Variants in ITGA9 observed in about 807,000 individuals in gnomAD.
ITGA9 encodes the protein integrin alpha-9.
A neutral mutation model predicts 127.8 loss-of-function variants in ITGA9; 56 were observed. The observed-to-expected ratio is 0.44, with a 90% CI of 0.35 to 0.55. The LOEUF (loss-of-function observed/expected upper bound fraction) is 0.55. Among genes scored for constraint, ITGA9 ranks in the 20% least tolerant of loss-of-function variants. ITGA9 has a pLI of 0.00. For missense variants in ITGA9, 1,196 were observed against 1,347.1 expected (o/e 0.89, Z 1.76); for synonymous variants, 508 against 514.5 (o/e 0.99, Z 0.17).
Position 37,452,743 on chromosome 3 carries a change from G to T in ITGA9, c.185+184G>T, listed in dbSNP as rs868762489. On this transcript the variant is annotated intron_variant, in intron 1 of 27. Transcript: ENST00000264741. This position sits in a 1 kb window ranked among gnomAD's most constrained non-coding sequence, Gnocchi z 7.3. ...GGGAGAAGGGAGGACGCCGTCCGGG[G>T]CCCGCTAAGGTCGGGGTCGGCGCCT... Among the ~76,000 whole-genome samples, 5 of 152,218 alleles carry T rather than the reference G, an allele frequency of 3.3e-5. No individual in the cohort carries two copies. In the South Asian group the frequency reaches 1.0e-3, roughly 32 times the overall value.
chr3:37,575,615 G>C (rs1699646364), intron 15 of ITGA9, among the ~76,000 whole-genome samples: 2 of 152,226 alleles, frequency 1.3e-5, no homozygotes, highest in African/African-American at 4.8e-5. Flanking sequence ...TAAGCAGAGA[G>C]CACCAAGACA....
In ITGA9 at chr3:37,666,453, T is replaced by C. The variant is rs140382873; in HGVS notation, c.1916+12663T>C. ...GCCAGCTGTTGAGGCTAGGCTCAGC[T>C]GTTTGGGTCTTCTGGTCTCATTTGG... On this transcript the variant is annotated intron_variant, in intron 17 of 27. Transcript: ENST00000264741. 1.4e-3 allele frequency among the ~76,000 whole-genome samples: 212 copies of C among 152,344 alleles called. 1 individual carries two copies. Among genetic ancestry groups the C allele is most frequent in the African/African-American group, 5.0e-3 (207 of 41,584 alleles).
chr3:37,727,250 A>G (rs1336232233), intron 18 of ITGA9, among the ~76,000 whole-genome samples: 8 of 152,216 alleles, frequency 5.3e-5, no homozygotes, highest in Non-Finnish European at 7.3e-5. Flanking sequence ...TCTTAAGTAG[A>G]ACCATCATAA....
At chr3:37,604,613 A>G (rs911038848) in intron 15 of ITGA9, among the ~76,000 whole-genome samples, 3 of 152,186 alleles carry the variant, frequency 2.0e-5, no homozygotes, top group African/African-American at 7.2e-5. Flanking sequence ...TGGTGTAGAA[A>G]TCACGTGCTT....
At chr3:37,476,694 C>T (rs369113902) in intron 3 of ITGA9, among the ~76,000 whole-genome samples, 3 of 152,262 alleles carry the variant, frequency 2.0e-5, no homozygotes, top group South Asian at 2.1e-4. Flanking sequence ...CTTCGTGAAG[C>T]CTGTTAAGGG....
intron 17 of ITGA9, among the ~76,000 whole-genome samples, chr3:37,656,745 G>A (rs1575182621): frequency 6.6e-6 from 1 of 152,308 alleles, no homozygotes; most frequent in East Asian, 1.9e-4. Flanking sequence ...GGAGTGATGA[G>A]CGAGGGCATC....
intron 18 of ITGA9, among the ~76,000 whole-genome samples, chr3:37,687,667 T>C (rs540716542): frequency 6.6e-5 from 10 of 152,342 alleles, no homozygotes; most frequent in African/African-American, 2.4e-4. Flanking sequence ...AACATTAATG[T>C]CCAAAATTAG....
chr3:37,636,515 G>A (rs538510588), intron 16 of ITGA9, among the ~76,000 whole-genome samples: 1 of 152,110 alleles, frequency 6.6e-6, no homozygotes, highest in Non-Finnish European at 1.5e-5. Context: ...TGAGTTCATT[G>A]TAGATTCTGG....
At chr3:37,696,385 T>G (rs1700885253) in intron 18 of ITGA9, among the ~76,000 whole-genome samples, 1 of 152,256 alleles carries the variant, frequency 6.6e-6, no homozygotes, top group African/African-American at 2.4e-5. Flanking sequence ...AGATGATCTT[T>G]ATCTGTCCGC....
At chr3:37,797,786 C>T (rs572368011) in intron 26 of ITGA9, among the ~76,000 whole-genome samples, 1 of 152,040 alleles carries the variant, frequency 6.6e-6, no homozygotes, top group Non-Finnish European at 1.5e-5. Context: ...AGTGCAGTGG[C>T]ACAATCTCAG....
chr3:37,623,403 C>T (rs1301631854), intron 15 of ITGA9, among the ~76,000 whole-genome samples: 1 of 152,146 alleles, frequency 6.6e-6, no homozygotes, highest in African/African-American at 2.4e-5. Context: ...AACTCAAGAA[C>T]TTAGCTTTTT....
chr3:37,618,322 A>T (rs1002404463), intron 15 of ITGA9, among the ~76,000 whole-genome samples: 4 of 152,174 alleles, frequency 2.6e-5, no homozygotes, highest in African/African-American at 9.7e-5. Flanking sequence ...TTCCTCTGGA[A>T]GTTTTGTCTC....
At chr3:37,594,337 G>C (rs1699848988) in intron 15 of ITGA9, among the ~76,000 whole-genome samples, 1 of 152,138 alleles carries the variant, frequency 6.6e-6, no homozygotes, top group South Asian at 2.1e-4. Flanking sequence ...GGGAGAGTAT[G>C]GCCTGCTTTC....
chr3:37,699,338 C>G (rs1700921240), intron 18 of ITGA9, among the ~76,000 whole-genome samples: 1 of 152,176 alleles, frequency 6.6e-6, no homozygotes, highest in Non-Finnish European at 1.5e-5. Flanking sequence ...CTTAAGATGT[C>G]CAAAATGAGT....
chr3:37,684,163 G>C, intron 18 of ITGA9, 148 bp downstream of exon 18: 1 of 813,018 alleles, frequency 1.2e-6, no homozygotes, highest in South Asian at 1.5e-5. Flanking sequence ...TTTTCTTCCT[G>C]GGCTTAGAAA....
At chr3:37,664,314 A>G (rs1700564386) in intron 17 of ITGA9, among the ~76,000 whole-genome samples, 1 of 150,814 alleles carries the variant, frequency 6.6e-6, no homozygotes, top group African/African-American at 2.4e-5. Flanking sequence ...CATTCTCCCC[A>G]TGTGCTGTCT....
intron 15 of ITGA9, among the ~76,000 whole-genome samples, chr3:37,598,655 C>T (rs531767838): frequency 6.6e-6 from 1 of 152,094 alleles, no homozygotes; most frequent in Non-Finnish European, 1.5e-5. Flanking sequence ...GGGATTTTGC[C>T]CCTCATTCAC....
At position 37,821,871 on chromosome 3, in the gene ITGA9, G is replaced by A. The variant is rs1697519159; in HGVS notation, c.*2882G>A. Reference sequence around the variant, plus strand: ...TGAAAGCCTCCCCAGGAACCTGTCTGGGGAAGGATGATGCCTCTGCTGGTC... The same window carrying A: ...TGAAAGCCTCCCCAGGAACCTGTCTAGGGAAGGATGATGCCTCTGCTGGTC... On this transcript the variant is annotated 3_prime_UTR_variant, in exon 28 of 28. Transcript: ENST00000264741. 6.6e-6 allele frequency: 1 copy of A among 152,064 alleles called. No individual in the cohort carries two copies. Among genetic ancestry groups the A allele is most frequent in the Non-Finnish European group, 1.5e-5 (1 of 68,010 alleles). The allele number at this position is 152,064 out of a possible 1,614,324, so 9.4% of individuals were successfully genotyped here. A position where few individuals can be genotyped will look rare whatever the true frequency, so the allele number is the denominator to read the frequency against.
At chr3:37,744,085 C>A in intron 22 of ITGA9, 51 bp downstream of exon 22, 1 of 1,174,662 alleles carries the variant, frequency 8.5e-7, no homozygotes, top group Non-Finnish European at 1.3e-6. Flanking sequence ...CGGAAGGGCA[C>A]ATGGGATGTC....
Sources: gnomAD v4.1 joint callset for allele counts (sites outside exome capture counted in the v4.1 genomes callset) on GRCh38, gnomAD v4.1.1 for gene constraint, Gnocchi (gnomAD v3.1) non-coding constraint, MANE v1.5 for transcripts, NCBI Gene and HGNC (gene_info 2026-07-23, HGNC 2026-07-21) for gene names.